ST18: variants seen among roughly 807,000 people sequenced by gnomAD.
ST18 encodes ST18 C2H2C-type zinc finger transcription factor.
A neutral mutation model predicts 110.0 loss-of-function variants in ST18; 50 were observed. The ratio of observed to expected loss-of-function variants is 0.45; its 90% CI spans 0.36 to 0.58. ST18 has a LOEUF of 0.58. ST18 is among the 20% of genes least tolerant of loss of function. The probability of loss-of-function intolerance (pLI) is 0.00; values close to 1 mark genes in which losing one functional copy is unlikely to be tolerated. For missense variants in ST18, 1,306 were observed against 1,280.1 expected (o/e 1.02, Z -0.31); for synonymous variants, 461 against 452.4 (o/e 1.02, Z -0.24).
chr8:52,340,561 C>T (rs1244629111), intron 2 of ST18, among the ~76,000 whole-genome samples: 1 of 152,174 alleles, frequency 6.6e-6, no homozygotes, highest in Non-Finnish European at 1.5e-5. Context: ...CCTGTGATAT[C>T]ACCTGGGTAT....
chr8:52,389,428 C>T (rs1838440883), intron 2 of ST18, among the ~76,000 whole-genome samples: 1 of 152,144 alleles, frequency 6.6e-6, no homozygotes, highest in Admixed American at 6.5e-5. Flanking sequence ...AAGAGGAAAA[C>T]CCAGGGACGC....
chr8:52,345,765 CA>C (rs781630762), intron 2 of ST18, among the ~76,000 whole-genome samples: 7 of 152,180 alleles, frequency 4.6e-5, no homozygotes, highest in African/African-American at 1.4e-4. Context: ...CGTATTCTGA[CA>C]TTTGGTAGGG....
intron 2 of ST18, among the ~76,000 whole-genome samples, chr8:52,294,761 AT>A (rs2139409397): frequency 1.3e-5 from 2 of 152,282 alleles, no homozygotes; most frequent in South Asian, 4.1e-4. Context: ...GCACCATAAA[AT>A]TTGTCTCTAT....
intron 2 of ST18, among the ~76,000 whole-genome samples, chr8:52,332,341 CA>C (rs1385517584): frequency 6.6e-6 from 1 of 152,042 alleles, no homozygotes; most frequent in Non-Finnish European, 1.5e-5. Context: ...ATGATCACAA[CA>C]TTTTCTCTAA....
chr8:52,169,221 G>A (rs1365591002), intron 10 of ST18, among the ~76,000 whole-genome samples: 1 of 152,166 alleles, frequency 6.6e-6, no homozygotes, highest in Non-Finnish European at 1.5e-5. Flanking sequence ...GCCAGAGCTT[G>A]AGCCTGGGGC....
At chr8:52,204,320 T>G (rs1247119779) in intron 8 of ST18, among the ~76,000 whole-genome samples, 2 of 152,242 alleles carry the variant, frequency 1.3e-5, no homozygotes, top group African/African-American at 4.8e-5. Flanking sequence ...AGAAGAGTTT[T>G]TCTAAGTAAT....
intron 2 of ST18, among the ~76,000 whole-genome samples, chr8:52,394,183 T>C (rs1392018740): frequency 6.6e-6 from 1 of 152,186 alleles, no homozygotes; most frequent in Non-Finnish European, 1.5e-5. Flanking sequence ...AGAGGAGCCA[T>C]CCCAAGTTGT....
rs555737021 is a variant in ST18 at position 52,153,078 on chromosome 8, C to T, written c.1807-3101G>A. Among the ~76,000 whole-genome samples the T allele has an allele frequency of 9.2e-5, 14 of 152,282 alleles. No homozygotes were observed. In the East Asian group the frequency reaches 2.3e-3, roughly 25 times the overall value. ...TAGAAGGTAGGCTTGTGGCTATTTTCTTCCATTATTTTTCAGGCAAATGAC... is the reference window on the plus strand; with the variant it reads ...TAGAAGGTAGGCTTGTGGCTATTTTTTTCCATTATTTTTCAGGCAAATGAC... On this transcript the variant is annotated intron_variant, in intron 15 of 25. Coordinates refer to ENST00000689386, the MANE Select transcript of ST18 (RefSeq NM_001352837.2).
intron 4 of ST18, among the ~76,000 whole-genome samples, 176 bp downstream of exon 4, chr8:52,221,464 T>C (rs2086726626): frequency 6.6e-6 from 1 of 152,210 alleles, no homozygotes; most frequent in Non-Finnish European, 1.5e-5. Context: ...GTCCCAGGGA[T>C]GAGCACAGAA....
intron 2 of ST18, among the ~76,000 whole-genome samples, chr8:52,305,096 G>A (rs1244692542): frequency 1.3e-5 from 2 of 152,142 alleles, no homozygotes; most frequent in Non-Finnish European, 1.5e-5. Context: ...AATAGCTTAA[G>A]TAGTAGTAGG....
chr8:52,162,489 C>T (rs1290618494), intron 13 of ST18, among the ~76,000 whole-genome samples: 1 of 152,108 alleles, frequency 6.6e-6, no homozygotes, highest in East Asian at 1.9e-4. Flanking sequence ...ACCTTTTTTC[C>T]CTGCCTTCAG....
intron 2 of ST18, among the ~76,000 whole-genome samples, chr8:52,318,252 C>T (rs1427411898): frequency 6.6e-6 from 1 of 152,130 alleles, no homozygotes; most frequent in African/African-American, 2.4e-5. Flanking sequence ...CGTGAACAGA[C>T]ACTTCTCAAA....
At chr8:52,346,896 C>T (rs964642868) in intron 2 of ST18, among the ~76,000 whole-genome samples, 11 of 152,034 alleles carry the variant, frequency 7.2e-5, no homozygotes, top group East Asian at 1.9e-4. Flanking sequence ...AAGGAGGAAA[C>T]GGCTGGAGTA....
In ST18 at chr8:52,197,913, A is replaced by AC. The variant is rs1554700394; in HGVS notation, c.86+14165_86+14166insG. On this transcript the variant is annotated intron_variant, in intron 8 of 25. Transcript: ENST00000689386. ...AGCACACACACACACACACACACAC[A>AC]AATACAGAACTTCTTCAGTAATATG... 6.8e-4 allele frequency among the ~76,000 whole-genome samples: 104 copies of AC among 152,028 alleles called. 1 individual carries two copies. Among genetic ancestry groups the AC allele is most frequent in the Admixed American group, 3.9e-4 (6 of 15,268 alleles).
At chr8:52,134,297 T>A (rs1400215428) in intron 19 of ST18, among the ~76,000 whole-genome samples, 1 of 152,174 alleles carries the variant, frequency 6.6e-6, no homozygotes, top group East Asian at 1.9e-4. Flanking sequence ...TGACAGGGAA[T>A]CCAATTTCTA....
chr8:52,208,602 G>A (rs1188887409), intron 8 of ST18, among the ~76,000 whole-genome samples: 1 of 152,190 alleles, frequency 6.6e-6, no homozygotes, highest in Non-Finnish European at 1.5e-5. Context: ...CGAGGCGGGA[G>A]GATCACGAGG....
At chr8:52,214,164 T>G in intron 7 of ST18, 39 bp downstream of exon 7, 11 of 1,605,272 alleles carry the variant, frequency 6.9e-6, no homozygotes, top group Non-Finnish European at 8.5e-6. Context: ...TTTCATGGTG[T>G]GGTGGGCATA....
At chr8:52,373,302 C>A (rs1485395060) in intron 2 of ST18, among the ~76,000 whole-genome samples, 4 of 152,126 alleles carry the variant, frequency 2.6e-5, no homozygotes, top group Non-Finnish European at 5.9e-5. Flanking sequence ...CAAGTGATAT[C>A]ACATACCACC....
At chr8:52,178,503 G>C (rs1365333106) in intron 9 of ST18, among the ~76,000 whole-genome samples, 1 of 149,836 alleles carries the variant, frequency 6.7e-6, no homozygotes, top group African/African-American at 2.5e-5. Context: ...TGTAATCCCA[G>C]CTACTCAGGA....
Sources: gnomAD v4.1 joint callset for allele counts (sites outside exome capture counted in the v4.1 genomes callset) on GRCh38, gnomAD v4.1.1 for gene constraint, MANE v1.5 for transcripts, NCBI Gene and HGNC (gene_info 2026-07-23, HGNC 2026-07-21) for gene names.